The following CCNH variants were observed in gnomAD, a reference collection of about 807,000 sequenced individuals.
The protein encoded by CCNH is cyclin H, also known as cyclin-H.
CCNH carries 31 observed loss-of-function variants against 41.9 expected under a neutral mutation model. That is an observed-to-expected ratio of 0.74 (90% CI 0.56 to 1.00). The LOEUF is 1.00. Ranked by LOEUF, CCNH falls within the 50% of genes least tolerant of loss-of-function variation. CCNH has a pLI of 0.00. For missense variants in CCNH, 362 were observed against 388.4 expected, an observed-to-expected ratio of 0.93 and a Z score of 0.57; for synonymous variants, 138 against 136.1, an observed-to-expected ratio of 1.01 and a Z score of -0.10.
chr5:87,375,554 A>G (rs1761269993), downstream of CCNH, among the ~76,000 whole-genome samples: 1 of 152,138 alleles, frequency 6.6e-6, no homozygotes, highest in South Asian at 2.1e-4. Flanking sequence ...TATAAGTAAA[A>G]AAGTATTCTA....
upstream of CCNH, among the ~76,000 whole-genome samples, chr5:87,380,048 AAT>A (rs1183485841): frequency 2.0e-5 from 3 of 152,200 alleles, no homozygotes; most frequent in Non-Finnish European, 4.4e-5. Flanking sequence ...CGTACAAGCC[AAT>A]ATGTCTGGTT....
rs1236977771 is a variant in CCNH at position 87,408,141 on chromosome 5, T to C, written c.360A>G (p.Val120=). 1.2e-6 allele frequency: 2 copies of C among 1,603,876 alleles called. No individual in the cohort carries two copies. The highest frequency in any genetic ancestry group is 2.3e-5 in the East Asian group (1 of 44,278). ...GGTTTCCAACAAACTGAGGACTAGA[T>C]ACATTGAATTCATCTACTTTGCAGG... ...FLACKVDEFN[V]SSPQFVGNLR... is the part of the protein sequence containing the mutation. The change falls in exon 4 of 9, where the codon GTA becomes GTG. Residue 120 remains valine (V), a synonymous_variant. Coordinates refer to ENST00000256897, the MANE Select transcript of CCNH (RefSeq NM_001239.4).
At chr5:87,315,406 G>T (rs190690559), downstream of CCNH, among the ~76,000 whole-genome samples, 267 of 152,240 alleles carry the variant, frequency 1.8e-3, 1 homozygote, top group Non-Finnish European at 1.9e-3. Context: ...CATCATGGGG[G>T]CCTGCCCCAC....
At chr5:87,411,067 G>A (rs1048839377) in intron 2 of CCNH, among the ~76,000 whole-genome samples, 157 bp downstream of exon 2, 3 of 152,178 alleles carry the variant, frequency 2.0e-5, no homozygotes, top group Admixed American at 6.5e-5. Context: ...AGCAACTCAT[G>A]ATTTAAGGCC....
At chr5:87,368,381 A>G (rs1760682917) in intron 9 of CCNH, among the ~76,000 whole-genome samples, 1 of 152,130 alleles carries the variant, frequency 6.6e-6, no homozygotes, top group Non-Finnish European at 1.5e-5. Context: ...ATTACTTGAA[A>G]GTCTTGTCTG....
downstream of CCNH, among the ~76,000 whole-genome samples, chr5:87,375,238 T>G (rs1192366092): frequency 6.6e-6 from 1 of 152,076 alleles, no homozygotes; most frequent in Non-Finnish European, 1.5e-5. Flanking sequence ...TCATCCCTTC[T>G]TTCTACTTTT....
At chr5:87,321,489 AG>A (rs1756801292) in intron 9 of CCNH, among the ~76,000 whole-genome samples, 2 of 152,170 alleles carry the variant, frequency 1.3e-5, no homozygotes, top group Non-Finnish European at 2.9e-5. Flanking sequence ...GATGGCTTCG[AG>A]TTGGGGTTTC....
At chr5:87,342,919 T>C (rs1758586087) in intron 9 of CCNH, among the ~76,000 whole-genome samples, 1 of 152,200 alleles carries the variant, frequency 6.6e-6, no homozygotes, top group Admixed American at 6.5e-5. Flanking sequence ...TACATCAGTT[T>C]TCTCATAGTA....
At chr5:87,407,847 C>T (rs1763912979) in intron 4 of CCNH, 129 bp downstream of exon 4, 1 of 648,358 alleles carries the variant, frequency 1.5e-6, no homozygotes, top group Admixed American at 2.8e-5. Flanking sequence ...CCTAGATGAC[C>T]AGGCCAGACC....
At position 87,325,705 on chromosome 5, in the gene CCNH, T is replaced by A. The variant is rs142758585; in HGVS notation, c.*91-6808A>T. Among the ~76,000 whole-genome samples the A allele has an allele frequency of 4.3e-3, 653 of 152,342 alleles. 1 individual carries two copies. Among genetic ancestry groups the A allele is most frequent in the South Asian group, 0.016 (78 of 4,830 alleles). ...ATCTGCTGGTAACTTCAATTTAGTT[T>A]TCTTTTTATAAAAGGAACTCTATTG... On this transcript the variant is annotated intron_variant and NMD_transcript_variant, in intron 9 of 9. Transcript: ENST00000645953.
downstream of CCNH, chr5:87,389,175 C>G (rs1762282846): frequency 2.2e-6 from 1 of 448,034 alleles, no homozygotes; most frequent in Non-Finnish European, 4.1e-6. Context: ...GTATTTGTAA[C>G]AAAAAATTAG....
At chr5:87,335,913 T>A (rs916273385) in intron 9 of CCNH, among the ~76,000 whole-genome samples, 1 of 152,214 alleles carries the variant, frequency 6.6e-6, no homozygotes, top group African/African-American at 2.4e-5. Context: ...TGATAAATAG[T>A]TTTGGATTCC....
At chr5:87,369,695 ATTTC>A (rs1472319461) in intron 9 of CCNH, 25 of 740,460 alleles carry the variant, frequency 3.4e-5, no homozygotes, top group South Asian at 1.7e-4. Flanking sequence ...ATGGAGTATT[ATTTC>A]TTTAAGAATT....
At chr5:87,409,915 CTG>C (rs1764095607) in intron 2 of CCNH, among the ~76,000 whole-genome samples, 1 of 152,132 alleles carries the variant, frequency 6.6e-6, no homozygotes. Context: ...GTGCCAGACT[CTG>C]TGCTAAACAC....
the CCNH span, among the ~76,000 whole-genome samples, chr5:87,312,508 C>T: frequency 1.3e-5 from 2 of 152,152 alleles, no homozygotes; most frequent in African/African-American, 4.8e-5. Context: ...ATATTGACAG[C>T]TATAACCTAC....
chr5:87,339,392 A>T (rs997045606), intron 9 of CCNH, among the ~76,000 whole-genome samples: 6 of 152,286 alleles, frequency 3.9e-5, no homozygotes, highest in Non-Finnish European at 8.8e-5. Flanking sequence ...TATTTACTCC[A>T]TATAGGCAAA....
intron 9 of CCNH, among the ~76,000 whole-genome samples, chr5:87,341,954 C>G (rs1363270221): frequency 6.6e-6 from 1 of 152,062 alleles, no homozygotes; most frequent in Non-Finnish European, 1.5e-5. Flanking sequence ...TAAAAACATT[C>G]AACTGACTAC....
intron 9 of CCNH, chr5:87,362,403 C>A: frequency 1.3e-6 from 1 of 754,060 alleles, no homozygotes; most frequent in Non-Finnish European, 2.1e-6. Flanking sequence ...CTGAGAATTT[C>A]TTTGGAAAGC....
chr5:87,323,286 C>T (rs1255206477), intron 9 of CCNH, among the ~76,000 whole-genome samples: 1 of 152,010 alleles, frequency 6.6e-6, no homozygotes, highest in African/African-American at 2.4e-5. Context: ...AAACTAATGC[C>T]TTAAAACATT....
Sources: allele counts gnomAD v4.1 joint callset (sites outside exome capture counted in the v4.1 genomes callset), GRCh38; gene constraint gnomAD v4.1.1; transcripts MANE v1.5; gene names NCBI Gene and HGNC (gene_info 2026-07-23, HGNC 2026-07-21).